Variants in SNTG1 observed in about 807,000 individuals in gnomAD.
The protein encoded by SNTG1 is syntrophin gamma 1, also known as gamma-1-syntrophin.
A neutral mutation model predicts 74.7 loss-of-function variants in SNTG1; 39 were observed. The observed-to-expected ratio is 0.52, with a 90% CI of 0.40 to 0.68. SNTG1 has a LOEUF of 0.68. Among genes scored for constraint, SNTG1 ranks in the 30% least tolerant of loss-of-function variants. The pLI is 0.00. For synonymous variants in SNTG1, 254 were observed against 217.1 expected, an observed-to-expected ratio of 1.17 and a Z score of -1.49; for missense variants, 685 against 609.5, an observed-to-expected ratio of 1.12 and a Z score of -1.30.
At chr8:50,618,905 GTGTGTA>G (rs1271234564) in intron 13 of SNTG1, among the ~76,000 whole-genome samples, 3 of 151,542 alleles carry the variant, frequency 2.0e-5, no homozygotes, top group African/African-American at 7.3e-5. Flanking sequence ...GTGTGTGTGT[GTGTGTA>G]TATATATATA....
intron 1 of SNTG1, among the ~76,000 whole-genome samples, chr8:50,016,367 C>A (rs915249487): frequency 9.2e-5 from 14 of 152,246 alleles, no homozygotes; most frequent in Admixed American, 7.2e-4. Context: ...ACTTATCAAG[C>A]TTTTTCACCT....
intron 2 of SNTG1, among the ~76,000 whole-genome samples, chr8:50,347,734 T>C (rs992528645): frequency 2.6e-5 from 4 of 152,212 alleles, no homozygotes; most frequent in African/African-American, 9.6e-5. Context: ...TAGTAGGTGT[T>C]CAACTAATAT....
At chr8:50,422,631 A>G (rs1373615223) in intron 4 of SNTG1, among the ~76,000 whole-genome samples, 2 of 151,938 alleles carry the variant, frequency 1.3e-5, no homozygotes, top group African/African-American at 2.4e-5. Context: ...GGAAGGGGTG[A>G]GGTTGATCAG....
intron 1 of SNTG1, among the ~76,000 whole-genome samples, chr8:49,976,975 A>G (rs1812251259): frequency 6.6e-6 from 1 of 152,138 alleles, no homozygotes; most frequent in Non-Finnish European, 1.5e-5. Context: ...GAGGCTGACA[A>G]TTTGCAGCAG....
At chr8:50,097,986 T>A (rs1463969438) in intron 1 of SNTG1, among the ~76,000 whole-genome samples, 3 of 152,180 alleles carry the variant, frequency 2.0e-5, no homozygotes, top group South Asian at 4.1e-4. Context: ...AATATTTAGT[T>A]TTGGTGTGTG....
At chr8:50,486,414 G>C (rs1041873339) in intron 8 of SNTG1, among the ~76,000 whole-genome samples, 3 of 140,300 alleles carry the variant, frequency 2.1e-5, no homozygotes, top group African/African-American at 8.0e-5. Context: ...TGAAGCAATT[G>C]TGAATGGGAG....
chr8:49,952,273 G>A (rs979155169), intron 1 of SNTG1, among the ~76,000 whole-genome samples: 1 of 152,188 alleles, frequency 6.6e-6, no homozygotes, highest in East Asian at 1.9e-4. Context: ...CAGATTATGA[G>A]AAGTGTTGTA....
chr8:50,317,719 T>C (rs13260288), intron 2 of SNTG1, among the ~76,000 whole-genome samples: 72,062 of 152,126 alleles, frequency 0.47, 19,492 homozygotes, highest in East Asian at 0.83. Context: ...TCTGTGTCCT[T>C]ATGACATCGT....
chr8:49,955,511 A>G (rs1810074730), intron 1 of SNTG1, among the ~76,000 whole-genome samples: 1 of 152,234 alleles, frequency 6.6e-6, no homozygotes, highest in Admixed American at 6.5e-5. Context: ...TTACAGTTAC[A>G]AATCCACTGG....
chr8:50,706,716 C>A (rs1004097435), intron 16 of SNTG1, among the ~76,000 whole-genome samples: 2 of 151,816 alleles, frequency 1.3e-5, no homozygotes, highest in African/African-American at 4.8e-5. Context: ...ATTTATTTAC[C>A]ACATAAGAAA....
chr8:50,130,635 C>T (rs544023834), intron 1 of SNTG1, among the ~76,000 whole-genome samples: 55 of 152,046 alleles, frequency 3.6e-4, no homozygotes, highest in Non-Finnish European at 6.2e-4. Flanking sequence ...TTTTGTTTTA[C>T]AAAACCTTTG....
chr8:50,530,661 C>A (rs914212977), intron 10 of SNTG1, among the ~76,000 whole-genome samples: 1 of 152,074 alleles, frequency 6.6e-6, no homozygotes, highest in Non-Finnish European at 1.5e-5. Context: ...TTTTAGCCAA[C>A]TTTATTCACA....
intron 1 of SNTG1, among the ~76,000 whole-genome samples, chr8:50,151,498 T>C (rs191638353): frequency 6.6e-5 from 10 of 152,302 alleles, no homozygotes; most frequent in African/African-American, 2.4e-4. Flanking sequence ...TTAATTGTGA[T>C]GTTAGGGTGT....
intron 17 of SNTG1, among the ~76,000 whole-genome samples, chr8:50,726,778 G>A (rs1276128881): frequency 6.6e-6 from 1 of 152,146 alleles, no homozygotes; most frequent in Non-Finnish European, 1.5e-5. Context: ...GAAACCAGGA[G>A]GTGGAGCTTG....
chr8:50,458,042 C>T (rs1191693313), intron 8 of SNTG1: 1 of 152,072 alleles, frequency 6.6e-6, no homozygotes, highest in African/African-American at 2.4e-5. Context: ...CAGGGTTCAC[C>T]CTAAACCACA....
At chr8:50,647,452 A>G (rs2095116722) in intron 13 of SNTG1, among the ~76,000 whole-genome samples, 1 of 151,982 alleles carries the variant, frequency 6.6e-6, no homozygotes, top group East Asian at 1.9e-4. Flanking sequence ...ATATATATAC[A>G]TATATATGTA....
At chr8:50,111,863 T>A (rs2131305681) in intron 1 of SNTG1, among the ~76,000 whole-genome samples, 1 of 152,020 alleles carries the variant, frequency 6.6e-6, no homozygotes, top group South Asian at 2.1e-4. Flanking sequence ...AAAAAGGGAC[T>A]ATGGAAAAAA....
intron 2 of SNTG1, among the ~76,000 whole-genome samples, chr8:50,276,789 A>G (rs60038664): frequency 0.07 from 10,719 of 152,152 alleles, 420 homozygotes; most frequent in African/African-American, 0.085. Flanking sequence ...GTGAGACCTC[A>G]CCTGTATAAA....
At chr8:50,730,226 A>G (rs2095509745) in intron 17 of SNTG1, among the ~76,000 whole-genome samples, 4 of 152,182 alleles carry the variant, frequency 2.6e-5, no homozygotes. Flanking sequence ...AGAACCGTGG[A>G]AAGACATGCT....
Sources: allele counts gnomAD v4.1 joint callset (sites outside exome capture counted in the v4.1 genomes callset), GRCh38; gene constraint gnomAD v4.1.1; transcripts MANE v1.5; gene names NCBI Gene and HGNC (gene_info 2026-07-23, HGNC 2026-07-21).